The following HERC1 variants were observed in gnomAD, a reference collection of about 807,000 sequenced individuals.
HERC1 encodes the protein HECT and RLD domain containing E3 ubiquitin protein ligase family member 1, also known as probable E3 ubiquitin-protein ligase HERC1.
Under a neutral mutation model 554.3 loss-of-function variants are expected in HERC1, and 160 were observed. The ratio of observed to expected loss-of-function variants is 0.29; its 90% CI spans 0.25 to 0.33. The LOEUF (loss-of-function observed/expected upper bound fraction) is 0.33. HERC1 is among the 10% of genes least tolerant of loss of function. The pLI is 1.00. For synonymous variants in HERC1, 2,175 were observed against 2,131.7 expected, an observed-to-expected ratio of 1.02 and a Z score of -0.56; for missense variants, 4,919 against 5,918.5, an observed-to-expected ratio of 0.83 and a Z score of 5.54.
chr15:63,636,092 T>A lies in HERC1; in HGVS notation c.12283A>T (p.Met4095Leu). 2 of 1,613,680 alleles carry A rather than the reference T, an allele frequency of 1.2e-6. No homozygotes were observed. Among genetic ancestry groups the A allele is most frequent in the Non-Finnish European group, 8.5e-7 (1 of 1,179,814 alleles). ...ACCTCACCACTTTCAGTTAGGGCCA[T>A]AGAGTGCCCATCAGAACCACAGGAA... ...VTSCGSDGHSMALTESGEVFS... is the reference protein window; with the variant it reads ...VTSCGSDGHSLALTESGEVFS... Residue 4095 changes from methionine (M) to leucine (L), a missense_variant, in exon 65 of 78, where the codon ATG becomes TTG. Physicochemically the swap from Met to Leu is conservative, Grantham distance 15. Coordinates refer to ENST00000443617, the MANE Select transcript of HERC1 (RefSeq NM_003922.4).
chr15:63,713,135 G>A (rs1190366953), intron 23 of HERC1, among the ~76,000 whole-genome samples: 2 of 152,186 alleles, frequency 1.3e-5, no homozygotes, highest in Non-Finnish European at 2.9e-5. Flanking sequence ...TTATATATAC[G>A]AAAAATTGTG....
chr15:63,697,616 A>G (rs991236352), intron 26 of HERC1, among the ~76,000 whole-genome samples: 2 of 151,806 alleles, frequency 1.3e-5, no homozygotes, highest in African/African-American at 2.4e-5. Flanking sequence ...CACCACGCCC[A>G]GTTAATTTTT....
chr15:63,694,830 T>C lies in HERC1; in HGVS notation c.5186A>G (p.Tyr1729Cys). 1 of 1,613,920 alleles carries C rather than the reference T, an allele frequency of 6.2e-7. No homozygotes were observed. The highest frequency in any genetic ancestry group is 1.7e-5 in the Admixed American group (1 of 60,020). ...TTCCAGGGTAGCAGACAACTGTTGA[T>C]AAATTTTATGCACAGCTACCTGGAT... Reference protein sequence around the residue: ...IEIQVAVHKIYQQLSATLERA... With the variant: ...IEIQVAVHKICQQLSATLERA... The change falls in exon 28 of 78, where the codon TAT becomes TGT. Residue 1729 changes from tyrosine (Y) to cysteine (C), a missense_variant. Transcript: ENST00000443617. The surrounding 1 kb of genome is among the most constrained non-coding windows in gnomAD (Gnocchi z 4.3).
At chr15:63,739,738 C>T (rs1409585806) in intron 12 of HERC1, among the ~76,000 whole-genome samples, 2 of 151,730 alleles carry the variant, frequency 1.3e-5, no homozygotes, top group Non-Finnish European at 2.9e-5. Context: ...ACTCGGGAGG[C>T]GAGGCAGGAT....
intron 74 of HERC1, among the ~76,000 whole-genome samples, chr15:63,620,796 T>A (rs1226597265): frequency 6.6e-6 from 1 of 152,224 alleles, no homozygotes; most frequent in African/African-American, 2.4e-5. Flanking sequence ...AGTTGTTTTA[T>A]CAGAGACTAG....
intron 12 of HERC1, among the ~76,000 whole-genome samples, chr15:63,744,152 GTGTGTGTGTGTGTCTCTCTC>G (rs1322876835): frequency 7.2e-5 from 3 of 41,606 alleles, no homozygotes; most frequent in African/African-American, 2.2e-4. Context: ...GTGTGTGTGT[GTGTGTGTGTGTGTCTCTCTC>G]TCTCTCTCTC....
Position 63,689,679 on chromosome 15 carries a change from G to A in HERC1, c.5958C>T (p.Ser1986=), listed in dbSNP as rs766731029. The change falls in exon 33 of 78, where the codon TCC becomes TCT. Residue 1986 remains serine (S), a synonymous_variant. Coordinates refer to ENST00000443617, the MANE Select transcript of HERC1 (RefSeq NM_003922.4). ...TCTCCCACATACAATCAGAGAGAAG[G>A]GAAAATAAGCGCTCAACAATCTGTT... ...QMAQIVERLF[S]LLSDCMWETP... 3 of 1,577,970 alleles carry A rather than the reference G, an allele frequency of 1.9e-6. No individual in the cohort carries two copies. The highest frequency in any genetic ancestry group is 2.6e-6 in the Non-Finnish European group (3 of 1,159,728).
Position 63,775,177 on chromosome 15 carries a change from G to A in HERC1, c.447C>T (p.Arg149=). ...TAAGTGCATCAGTGCTTGACCGGGG[G>A]CGTTCACTAACAGAATGGACATCTG... is the stretch of plus-strand genomic sequence containing the variant. ...GSADVHSVSE[R]PRSSTDALIE... is the part of the protein sequence containing the mutation. Residue 149 remains arginine (R), a synonymous_variant, in exon 2 of 78, where the codon CGC becomes CGT. Coordinates refer to ENST00000443617, the MANE Select transcript of HERC1 (RefSeq NM_003922.4). This position sits in a 1 kb window ranked among gnomAD's most constrained non-coding sequence, Gnocchi z 4.0. The A allele has an allele frequency of 6.2e-7, 1 of 1,613,968 alleles. No homozygotes were observed. Among genetic ancestry groups the A allele is most frequent in the African/African-American group, 1.3e-5 (1 of 75,022 alleles).
In HERC1 at chr15:63,677,875, A is replaced by T. The variant is rs2071286172; in HGVS notation, c.7040T>A (p.Val2347Asp). The T allele has an allele frequency of 6.2e-7, 1 of 1,613,808 alleles. No homozygotes were observed. Among genetic ancestry groups the T allele is most frequent in the Non-Finnish European group, 8.5e-7 (1 of 1,179,862 alleles). Residue 2347 changes from valine (V) to aspartate (D), a missense_variant, in exon 37 of 78, where the codon GTC becomes GAC. Transcript: ENST00000443617. The surrounding 1 kb of genome is among the most constrained non-coding windows in gnomAD (Gnocchi z 4.4). ...VVKEGSTSAKVQWDEAEITIS... is the reference protein window; with the variant it reads ...VVKEGSTSAKDQWDEAEITIS... ...AGTAATTTCTGCTTCATCCCATTGG[A>T]CCTTGGCAGACGTGCTGCCCTCTTT...
chr15:63,627,413 T>C (rs1296271320), intron 70 of HERC1, among the ~76,000 whole-genome samples: 1 of 152,106 alleles, frequency 6.6e-6, no homozygotes, highest in Non-Finnish European at 1.5e-5. Flanking sequence ...GGCTCACACC[T>C]GTAATCCCAG....
chr15:63,679,847 C>T (rs962487656), intron 36 of HERC1, among the ~76,000 whole-genome samples: 6 of 152,122 alleles, frequency 3.9e-5, no homozygotes, highest in Non-Finnish European at 8.8e-5. Flanking sequence ...TGTGACTGCA[C>T]GTTTGAAAGT....
At position 63,727,924 on chromosome 15, in the gene HERC1, G is replaced by T; in HGVS notation, c.3155-86C>A. The T allele has an allele frequency of 9.3e-7, 1 of 1,071,906 alleles. No homozygotes were observed. The highest frequency in any genetic ancestry group is 1.4e-6 in the Non-Finnish European group (1 of 731,594). The allele number at this position is 1,071,906 out of a possible 1,614,324, so 66.4% of individuals were successfully genotyped here. ...ACCTAATAAATATTATTTTAGCTTG[G>T]AACTAGAGTAGACTCATTCAACAAC... is the stretch of plus-strand genomic sequence containing the variant. On this transcript the variant is annotated intron_variant, in intron 16 of 77. Coordinates refer to ENST00000443617, the MANE Select transcript of HERC1 (RefSeq NM_003922.4). The surrounding 1 kb of genome is among the most constrained non-coding windows in gnomAD (Gnocchi z 4.3).
intron 1 of HERC1, among the ~76,000 whole-genome samples, chr15:63,794,783 G>A (rs187443924): frequency 1.3e-3 from 201 of 152,162 alleles, no homozygotes; most frequent in Non-Finnish European, 2.4e-3. Flanking sequence ...AGAAAAACAC[G>A]TAAAGGGTTC....
chr15:63,809,029 A>C (rs1381907861), intron 1 of HERC1, among the ~76,000 whole-genome samples: 1 of 152,244 alleles, frequency 6.6e-6, no homozygotes, highest in Non-Finnish European at 1.5e-5. Context: ...CAAAAATATC[A>C]GAAGTAAGTA....
At chr15:63,671,811 G>C (rs186489952) in intron 39 of HERC1, among the ~76,000 whole-genome samples, 1 of 152,192 alleles carries the variant, frequency 6.6e-6, no homozygotes, top group Non-Finnish European at 1.5e-5. Context: ...GGAAAGAGGG[G>C]AAAGAAGAAA....
chr15:63,710,589 A>G (rs1204338339), intron 24 of HERC1, among the ~76,000 whole-genome samples: 4 of 152,218 alleles, frequency 2.6e-5, no homozygotes, highest in African/African-American at 9.6e-5. Context: ...CTAACTGATC[A>G]ATGAATAACT....
At chr15:63,659,603 G>A (rs1205102035) in intron 47 of HERC1, 133 bp downstream of exon 47, 8 of 692,280 alleles carry the variant, frequency 1.2e-5, no homozygotes, top group Non-Finnish European at 1.9e-5. Context: ...ACTGGCTAAA[G>A]AGACTTGTTG....
intron 74 of HERC1, among the ~76,000 whole-genome samples, 190 bp downstream of exon 74, chr15:63,622,625 G>A (rs1226011810): frequency 6.6e-6 from 1 of 152,170 alleles, no homozygotes; most frequent in Non-Finnish European, 1.5e-5. Flanking sequence ...AAGCCACCAT[G>A]CCTGGCCTGT....
At chr15:63,815,818 G>A (rs2077473110) in intron 1 of HERC1, among the ~76,000 whole-genome samples, 1 of 152,154 alleles carries the variant, frequency 6.6e-6, no homozygotes, top group Non-Finnish European at 1.5e-5. Context: ...CAGTTCCACA[G>A]GGCTGGAAAG....
Sources: allele counts gnomAD v4.1 joint callset (sites outside exome capture counted in the v4.1 genomes callset), GRCh38; gene constraint gnomAD v4.1.1; non-coding constraint Gnocchi (gnomAD v3.1); transcripts MANE v1.5; gene names NCBI Gene and HGNC (gene_info 2026-07-23, HGNC 2026-07-21).